Variants in MMP16 observed in about 807,000 individuals in gnomAD.
MMP16 encodes matrix metalloproteinase-16.
Under a neutral mutation model 67.8 loss-of-function variants are expected in MMP16, and 12 were observed. The observed-to-expected ratio is 0.18, with a 90% CI of 0.11 to 0.29. MMP16 has a LOEUF of 0.29. MMP16 is among the 10% of genes least tolerant of loss of function. The probability of loss-of-function intolerance (pLI) is 1.00; values close to 1 mark genes in which losing one functional copy is unlikely to be tolerated. For missense variants in MMP16, 475 were observed against 765.7 expected, an observed-to-expected ratio of 0.62 and a Z score of 4.48; for synonymous variants, 249 against 255.9, an observed-to-expected ratio of 0.97 and a Z score of 0.26.
chr8:88,326,106 C>T (rs1362849734), intron 1 of MMP16, among the ~76,000 whole-genome samples: 1 of 151,704 alleles, frequency 6.6e-6, no homozygotes, highest in Non-Finnish European at 1.5e-5. Flanking sequence ...GTTCAGAGGA[C>T]ATCAGATCTA....
intron 6 of MMP16, among the ~76,000 whole-genome samples, chr8:88,095,089 G>T (rs989819070): frequency 1.1e-4 from 17 of 151,742 alleles, no homozygotes; most frequent in African/African-American, 4.1e-4. Flanking sequence ...ACAAGGCACC[G>T]CTCTACAGAT....
intron 1 of MMP16, among the ~76,000 whole-genome samples, chr8:88,242,849 T>C (rs1810054580): frequency 6.6e-6 from 1 of 152,294 alleles, no homozygotes; most frequent in East Asian, 1.9e-4. Context: ...CAGGTGTTAA[T>C]CCTCACATCC....
At chr8:88,160,852 T>C (rs1360648594) in intron 4 of MMP16, among the ~76,000 whole-genome samples, 2 of 152,162 alleles carry the variant, frequency 1.3e-5, no homozygotes, top group Admixed American at 6.6e-5. Flanking sequence ...ATTACGTTTA[T>C]TGATTTGTGT....
intron 1 of MMP16, among the ~76,000 whole-genome samples, chr8:88,202,092 C>T (rs1373917124): frequency 1.3e-5 from 2 of 152,124 alleles, no homozygotes; most frequent in African/African-American, 2.4e-5. Flanking sequence ...AAATCACCAT[C>T]CCATCCCCAG....
intron 6 of MMP16, among the ~76,000 whole-genome samples, chr8:88,079,592 G>A (rs999694402): frequency 6.6e-6 from 1 of 152,078 alleles, no homozygotes; most frequent in East Asian, 1.9e-4. Flanking sequence ...CAGCTGAAAT[G>A]TTATTCCGTA....
intron 1 of MMP16, among the ~76,000 whole-genome samples, chr8:88,200,492 T>A (rs1809326553): frequency 6.6e-6 from 1 of 152,052 alleles, no homozygotes; most frequent in African/African-American, 2.4e-5. Context: ...AACATCTTGC[T>A]ACCTGGTAGA....
rs34758855 is a variant in MMP16, at chr8:88,106,051, G to GTATATATATA, written c.1083+10446_1083+10455dup. Among the ~76,000 whole-genome samples, 622 of 145,384 alleles carry GTATATATATA rather than the reference G, an allele frequency of 4.3e-3. 4 individuals carry two copies. Among genetic ancestry groups the GTATATATATA allele is most frequent in the African/African-American group, 0.012 (466 of 39,692 alleles). On this transcript the variant is annotated intron_variant, in intron 6 of 9. Transcript: ENST00000286614. ...ACGTGTATATATATTTACACGTTAT[G>GTATATATATA]TATATATATATATATATATATATGT...
At chr8:88,074,810 G>A in intron 6 of MMP16, 67 bp from the exon 7 acceptor site, 2 of 1,533,322 alleles carry the variant, frequency 1.3e-6, no homozygotes, top group Non-Finnish European at 1.8e-6. Flanking sequence ...CGGCGCAATG[G>A]CTGGACGCTT....
Position 88,087,450 on chromosome 8 carries a change from G to C in MMP16, c.1084-12707C>G, listed in dbSNP as rs74796477. Among the ~76,000 whole-genome samples, 134 of 151,996 alleles carry C rather than the reference G, an allele frequency of 8.8e-4. 6 individuals carry two copies. The highest frequency in any genetic ancestry group is 3.1e-3 in the African/African-American group (128 of 41,344). Reference sequence around the variant, plus strand: ...GGCCAGTGTGCCATGGCATAGGCATGCTGAGTAGGGTGGGAAAAGGAGATG... The same window carrying C: ...GGCCAGTGTGCCATGGCATAGGCATCCTGAGTAGGGTGGGAAAAGGAGATG... On this transcript the variant is annotated intron_variant, in intron 6 of 9. Coordinates refer to ENST00000286614, the MANE Select transcript of MMP16 (RefSeq NM_005941.5).
At chr8:88,317,540 T>A (rs1811392443) in intron 1 of MMP16, among the ~76,000 whole-genome samples, 1 of 152,202 alleles carries the variant, frequency 6.6e-6, no homozygotes, top group Non-Finnish European at 1.5e-5. Flanking sequence ...GAAGTTCATG[T>A]CACTCACTTC....
rs759044744 is a variant in MMP16, at chr8:88,074,589, T to C, written c.1222+16A>G. On this transcript the variant is annotated intron_variant, in intron 7 of 9. Coordinates refer to ENST00000286614, the MANE Select transcript of MMP16 (RefSeq NM_005941.5). ...GATTAAAATACAACATAGCCAGATATGGAAAACATCCTTACCTTTAAAGAA... is the reference window on the plus strand; with the variant it reads ...GATTAAAATACAACATAGCCAGATACGGAAAACATCCTTACCTTTAAAGAA... 3.1e-5 allele frequency: 50 copies of C among 1,611,732 alleles called. No homozygotes were observed. Among genetic ancestry groups the C allele is most frequent in the Non-Finnish European group, 3.8e-5 (45 of 1,178,748 alleles).
intron 4 of MMP16, among the ~76,000 whole-genome samples, chr8:88,146,335 C>G (rs760462554): frequency 2.6e-5 from 4 of 151,862 alleles, no homozygotes; most frequent in Admixed American, 2.0e-4. Flanking sequence ...AACTTGAAAA[C>G]AGAATATTGC....
chr8:88,274,698 T>A (rs569829397), intron 1 of MMP16, among the ~76,000 whole-genome samples: 2 of 152,024 alleles, frequency 1.3e-5, no homozygotes, highest in African/African-American at 2.4e-5. Flanking sequence ...GGAAGGTAAA[T>A]GAGTCTGATT....
At chr8:88,273,756 A>T (rs1263207374) in intron 1 of MMP16, among the ~76,000 whole-genome samples, 4 of 152,212 alleles carry the variant, frequency 2.6e-5, no homozygotes, top group Non-Finnish European at 5.9e-5. Context: ...GGCATCTTCA[A>T]ATACAATTTC....
Position 88,058,057 on chromosome 8 carries a change from C to G in MMP16, c.1223-1779G>C, listed in dbSNP as rs758012728. Among the ~76,000 whole-genome samples the G allele has an allele frequency of 6.6e-6, 1 of 152,000 alleles. No homozygotes were observed. Among genetic ancestry groups the G allele is most frequent in the Non-Finnish European group, 1.5e-5 (1 of 67,996 alleles). On this transcript the variant is annotated intron_variant, in intron 7 of 9. Transcript: ENST00000286614. This position sits in a 1 kb window ranked among gnomAD's most constrained non-coding sequence, Gnocchi z 4.2. ...CCTCTCTGAAGAAATACACCAAAAT[C>G]TAAAGAAAGAGAAGGTAATAAATAT...
chr8:88,146,786 A>C (rs1808297133), intron 4 of MMP16, among the ~76,000 whole-genome samples: 2 of 149,890 alleles, frequency 1.3e-5, no homozygotes, highest in African/African-American at 5.0e-5. Flanking sequence ...TCAATAAACC[A>C]AAATAAAAAA....
Position 88,314,457 on chromosome 8 carries a change from G to A in MMP16, c.132+12618C>T, listed in dbSNP as rs1438506873. ...TATGAATTTTACCCTGTTGGGTGCT[G>A]GGTATTTCTGTATTCCAACAAATAT... On this transcript the variant is annotated intron_variant, in intron 1 of 9. Coordinates refer to ENST00000286614, the MANE Select transcript of MMP16 (RefSeq NM_005941.5). 7.2e-5 allele frequency among the ~76,000 whole-genome samples: 11 copies of A among 152,114 alleles called. 1 individual carries two copies. The highest frequency in any genetic ancestry group is 5.2e-4 in the Admixed American group (8 of 15,262).
chr8:88,150,733 A>G (rs1422526781), intron 4 of MMP16, among the ~76,000 whole-genome samples: 1 of 148,608 alleles, frequency 6.7e-6, no homozygotes, highest in Non-Finnish European at 1.5e-5. Flanking sequence ...GGAAAGGAAC[A>G]ACCGGTACCA....
At chr8:88,170,834 G>A (rs1317213886) in intron 3 of MMP16, among the ~76,000 whole-genome samples, 2 of 152,106 alleles carry the variant, frequency 1.3e-5, no homozygotes, top group Non-Finnish European at 2.9e-5. Flanking sequence ...CACAATCACT[G>A]TGTCTGATGG....
Sources: gnomAD v4.1 joint callset for allele counts (sites outside exome capture counted in the v4.1 genomes callset) on GRCh38, gnomAD v4.1.1 for gene constraint, Gnocchi (gnomAD v3.1) non-coding constraint, MANE v1.5 for transcripts, NCBI Gene and HGNC (gene_info 2026-07-23, HGNC 2026-07-21) for gene names.